The following NKAIN2 variants were observed in gnomAD, a reference collection of about 807,000 sequenced individuals.
The protein encoded by NKAIN2 is sodium/potassium transporting ATPase interacting 2, also known as sodium/potassium-transporting ATPase subunit beta-1-interacting protein 2.
A neutral mutation model predicts 32.6 loss-of-function variants in NKAIN2; 14 were observed. The observed-to-expected ratio is 0.43, with a 90% CI of 0.28 to 0.67. The LOEUF (loss-of-function observed/expected upper bound fraction) is 0.67, where lower values mean the gene tolerates loss of function less well. NKAIN2 is among the 30% of genes least tolerant of loss of function. The pLI is 0.17. For missense variants in NKAIN2, 198 were observed against 258.3 expected, an observed-to-expected ratio of 0.77 and a Z score of 1.60; for synonymous variants, 80 against 87.2, an observed-to-expected ratio of 0.92 and a Z score of 0.46.
At chr6:124,210,591 T>C (rs891685904) in intron 1 of NKAIN2, among the ~76,000 whole-genome samples, 13 of 151,900 alleles carry the variant, frequency 8.6e-5, no homozygotes, top group Non-Finnish European at 7.4e-5. Context: ...TTGTGTCCTC[T>C]TCAATTTCCT....
intron 3 of NKAIN2, among the ~76,000 whole-genome samples, chr6:124,633,628 T>G (rs2114319746): frequency 6.6e-6 from 1 of 152,312 alleles, no homozygotes; most frequent in Middle Eastern, 3.4e-3. Flanking sequence ...GAAAAGGTCA[T>G]AAAACTTTAT....
chr6:124,702,215 A>C (rs141248940), intron 4 of NKAIN2, among the ~76,000 whole-genome samples: 288 of 152,192 alleles, frequency 1.9e-3, no homozygotes, highest in Admixed American at 3.5e-3. Flanking sequence ...TCCTTTTTGA[A>C]TATTTGATAT....
At chr6:123,955,465 C>T (rs778372265) in intron 1 of NKAIN2, among the ~76,000 whole-genome samples, 9 of 151,932 alleles carry the variant, frequency 5.9e-5, no homozygotes, top group Non-Finnish European at 1.0e-4. Flanking sequence ...GCATGAGACA[C>T]TATTCATTCC....
intron 3 of NKAIN2, among the ~76,000 whole-genome samples, chr6:124,394,855 C>G (rs569401714): frequency 6.6e-6 from 1 of 152,088 alleles, no homozygotes; most frequent in African/African-American, 2.4e-5. Flanking sequence ...GAAGATCTCT[C>G]GGCCCAGTCA....
chr6:124,403,769 C>A (rs190575745), intron 3 of NKAIN2, among the ~76,000 whole-genome samples: 101 of 152,164 alleles, frequency 6.6e-4, no homozygotes, highest in Admixed American at 5.2e-3. Context: ...TCTGACCTTG[C>A]CTTTAGTTTA....
chr6:124,784,573 C>T (rs1779417745), intron 4 of NKAIN2, among the ~76,000 whole-genome samples: 1 of 151,934 alleles, frequency 6.6e-6, no homozygotes, highest in African/African-American at 2.4e-5. Context: ...CTTCCTTTTT[C>T]TTGCTGAGTA....
intron 1 of NKAIN2, among the ~76,000 whole-genome samples, chr6:124,126,570 A>G (rs969170542): frequency 5.0e-5 from 6 of 120,642 alleles, no homozygotes; most frequent in South Asian, 6.1e-4. Flanking sequence ...ATGAGAACCA[A>G]TCATCCCTAC....
At chr6:124,510,973 A>T (rs1778687690) in intron 3 of NKAIN2, among the ~76,000 whole-genome samples, 1 of 152,194 alleles carries the variant, frequency 6.6e-6, no homozygotes, top group Admixed American at 6.5e-5. Context: ...CATTCATCTC[A>T]ATATACACAT....
At chr6:123,901,819 G>A (rs1286159242) in intron 1 of NKAIN2, among the ~76,000 whole-genome samples, 1 of 151,940 alleles carries the variant, frequency 6.6e-6, no homozygotes, top group Non-Finnish European at 1.5e-5. Context: ...AAATTAATTG[G>A]AAATTTCAGA....
chr6:124,753,710 A>G (rs1250516443), intron 4 of NKAIN2, among the ~76,000 whole-genome samples: 1 of 152,110 alleles, frequency 6.6e-6, no homozygotes, highest in Non-Finnish European at 1.5e-5. Flanking sequence ...ACACCAGGAA[A>G]GAATGAGGAG....
intron 1 of NKAIN2, among the ~76,000 whole-genome samples, chr6:124,271,107 C>G (rs1794744603): frequency 6.6e-6 from 1 of 152,148 alleles, no homozygotes; most frequent in African/African-American, 2.4e-5. Flanking sequence ...TTCTTTCTCT[C>G]TCTCTCCTGC....
chr6:124,278,553 G>T (rs1239931428), intron 1 of NKAIN2, among the ~76,000 whole-genome samples: 1 of 149,176 alleles, frequency 6.7e-6, no homozygotes, highest in Non-Finnish European at 1.5e-5. Context: ...AACGAAAAGG[G>T]TAATCTTCAT....
chr6:124,306,165 G>T (rs1217141764), intron 2 of NKAIN2, among the ~76,000 whole-genome samples: 1 of 152,066 alleles, frequency 6.6e-6, no homozygotes, highest in African/African-American at 2.4e-5. Flanking sequence ...TTCTAATATG[G>T]TAAGTTGCTT....
chr6:124,425,397 T>C (rs1488608029), intron 3 of NKAIN2, among the ~76,000 whole-genome samples: 1 of 152,074 alleles, frequency 6.6e-6, no homozygotes, highest in Non-Finnish European at 1.5e-5. Context: ...ATTTCCATGA[T>C]ATTGGTCTTG....
At chr6:124,803,576 T>G (rs1236620578) in intron 5 of NKAIN2, among the ~76,000 whole-genome samples, 1 of 150,882 alleles carries the variant, frequency 6.6e-6, no homozygotes, top group Non-Finnish European at 1.5e-5. Flanking sequence ...TTTAACTTAT[T>G]TTTTTCTACA....
At chr6:123,818,307 T>A (rs1773781770) in intron 1 of NKAIN2, among the ~76,000 whole-genome samples, 2 of 151,860 alleles carry the variant, frequency 1.3e-5, no homozygotes, top group African/African-American at 4.8e-5. Context: ...ATTGTAAATT[T>A]AAAAATTATT....
chr6:123,915,550 C>T (rs576454603), intron 1 of NKAIN2, among the ~76,000 whole-genome samples: 21 of 152,264 alleles, frequency 1.4e-4, no homozygotes, highest in African/African-American at 3.1e-4. Context: ...AGTGACTCAA[C>T]GTTGTTTCAA....
intron 1 of NKAIN2, among the ~76,000 whole-genome samples, chr6:123,883,392 G>T (rs969607713): frequency 1.3e-5 from 2 of 152,030 alleles, no homozygotes; most frequent in Non-Finnish European, 2.9e-5. Context: ...TGATTCACCC[G>T]CCTCGGCCTC....
At chr6:124,815,436 ATTT>A (rs1781119258) in intron 5 of NKAIN2, among the ~76,000 whole-genome samples, 1 of 151,506 alleles carries the variant, frequency 6.6e-6, no homozygotes, top group Non-Finnish European at 1.5e-5. Flanking sequence ...TGCCCAGTTA[ATTT>A]TTGTATTTTT....
Sources: allele counts gnomAD v4.1 joint callset (sites outside exome capture counted in the v4.1 genomes callset), GRCh38; gene constraint gnomAD v4.1.1; transcripts MANE v1.5; gene names NCBI Gene and HGNC (gene_info 2026-07-23, HGNC 2026-07-21).